The following STS variants were observed in gnomAD, a reference collection of about 807,000 sequenced individuals.
The protein encoded by STS is steroid sulfatase.
In STS, 7 loss-of-function variants were observed where a neutral mutation model predicts 26.8. The observed-to-expected ratio is 0.26, with a 90% CI of 0.15 to 0.49. STS has a LOEUF of 0.49. Ranked by LOEUF, STS falls within the 20% of genes least tolerant of loss-of-function variation. STS has a pLI of 0.98. For synonymous variants in STS, 199 were observed against 189.4 expected (o/e 1.05, Z -0.42); for missense variants, 434 against 465.6 (o/e 0.93, Z 0.63).
chrX:7,152,160 G>A (rs1345979289), intron 1 of STS, among the ~76,000 whole-genome samples: 1 of 109,848 alleles, frequency 9.1e-6, no homozygotes, highest in Non-Finnish European at 1.9e-5. Context: ...CACCATGTTA[G>A]CCAGGATGGT....
At chrX:7,290,206 C>T (rs943628404) in intron 7 of STS, among the ~76,000 whole-genome samples, 2 of 111,301 alleles carry the variant, frequency 1.8e-5, no homozygotes, top group African/African-American at 6.5e-5. Flanking sequence ...ATCATGGGAC[C>T]ATTTTCAAAA....
chrX:7,253,472 A>G, intron 3 of STS, 136 bp downstream of exon 3: 2 of 837,573 alleles, frequency 2.4e-6, no homozygotes, highest in Non-Finnish European at 3.5e-6. Context: ...GGCTTCATGT[A>G]GATACACTGA....
chrX:7,220,816 G>T (rs1027703930), intron 2 of STS, among the ~76,000 whole-genome samples: 1 of 110,765 alleles, frequency 9.0e-6, no homozygotes, highest in Non-Finnish European at 1.9e-5. Context: ...CCAAAGTGTT[G>T]GGATTACAGG....
At chrX:7,201,850 A>G (rs1934079011) in intron 2 of STS, among the ~76,000 whole-genome samples, 1 of 111,004 alleles carries the variant, frequency 9.0e-6, no homozygotes, top group African/African-American at 3.3e-5. Flanking sequence ...AGAAGAAGGA[A>G]TTGTCTATGT....
At chrX:7,201,519 G>A (rs1258874420) in intron 2 of STS, among the ~76,000 whole-genome samples, 2 of 110,271 alleles carry the variant, frequency 1.8e-5, no homozygotes, top group South Asian at 7.9e-4. Context: ...TATTATTATA[G>A]AGAAGGGTCA....
At chrX:7,251,609 A>C (rs139209610) in intron 2 of STS, among the ~76,000 whole-genome samples, 1,222 of 111,384 alleles carry the variant, frequency 0.011, 44 homozygotes, top group Admixed American at 0.086. Flanking sequence ...AGACTCCACC[A>C]CTACACATGC....
In STS at chrX:7,292,656, T is replaced by A. The variant is rs763467483; in HGVS notation, c.944-12390T>A. ...TGTCGTTCCTTACCATGTTCTGCAT[T>A]GCATGCCATGTGCTTTGATCCACTG... On this transcript the variant is annotated intron_variant, in intron 7 of 10. Coordinates refer to ENST00000674429, the MANE Select transcript of STS (RefSeq NM_001320752.2). Among the ~76,000 whole-genome samples, 108 of 110,748 alleles carry A rather than the reference T, an allele frequency of 9.8e-4. 1 individual carries two copies. Among genetic ancestry groups the A allele is most frequent in the Admixed American group, 5.8e-4 (6 of 10,287 alleles).
At chrX:7,281,923 A>G (rs187908341) in intron 7 of STS, among the ~76,000 whole-genome samples, 1 of 112,745 alleles carries the variant, frequency 8.9e-6, no homozygotes, top group African/African-American at 3.2e-5. Context: ...CAATATACGT[A>G]GAAGACATCT....
At chrX:7,242,115 C>CA (rs2147070426) in intron 2 of STS, among the ~76,000 whole-genome samples, 1 of 110,924 alleles carries the variant, frequency 9.0e-6, no homozygotes, top group South Asian at 3.9e-4. Flanking sequence ...ATATCCTACT[C>CA]ATTGGAAGTA....
chrX:7,311,415 G>T (rs1450743589), intron 8 of STS, among the ~76,000 whole-genome samples: 5 of 111,861 alleles, frequency 4.5e-5, no homozygotes, highest in African/African-American at 1.6e-4. Context: ...CAAGCTGCTG[G>T]AAGTGGTGGG....
chrX:7,262,624 G>A (rs1363434206), intron 6 of STS, among the ~76,000 whole-genome samples: 1 of 112,186 alleles, frequency 8.9e-6, no homozygotes, highest in Non-Finnish European at 1.9e-5. Context: ...TGCAGTGCTT[G>A]GGTGAACCTG....
At chrX:7,229,783 CA>C (rs1433938859) in intron 2 of STS, among the ~76,000 whole-genome samples, 3 of 110,849 alleles carry the variant, frequency 2.7e-5, no homozygotes, top group African/African-American at 9.9e-5. Flanking sequence ...CTCCTGCTAC[CA>C]GGGGTGAAAG....
chrX:7,183,239 C>A (rs1933714545), intron 1 of STS, among the ~76,000 whole-genome samples: 1 of 112,077 alleles, frequency 8.9e-6, no homozygotes, highest in Non-Finnish European at 1.9e-5. Context: ...TAAGACTATT[C>A]ATAGTTCCCC....
intron 2 of STS, among the ~76,000 whole-genome samples, chrX:7,205,684 G>A (rs1169815020): frequency 1.0e-5 from 1 of 96,482 alleles, no homozygotes; most frequent in South Asian, 5.2e-4. Flanking sequence ...TGTTGCAAGA[G>A]CAAGGCACTC....
At position 7,341,925 on chromosome X, in the gene STS, T is replaced by C. The variant is rs370349477; in HGVS notation, c.1363+7818T>C. Among the ~76,000 whole-genome samples, 4 of 110,746 alleles carry C rather than the reference T, an allele frequency of 3.6e-5. No homozygotes were observed. The East Asian group carries it at 1.1e-3, about 31-fold the overall frequency. On this transcript the variant is annotated intron_variant, in intron 10 of 10. Coordinates refer to ENST00000674429, the MANE Select transcript of STS (RefSeq NM_001320752.2). The stretch of plus-strand genomic sequence containing the variant: ...CCTCCAGGTTCAAGCGATTCTCCTG[T>C]GCCAGCCTCCCGAGTAGCTGGGATT...
intron 2 of STS, among the ~76,000 whole-genome samples, chrX:7,245,375 C>A (rs751030979): frequency 8.9e-6 from 1 of 112,247 alleles, no homozygotes; most frequent in Admixed American, 9.4e-5. Context: ...TCTGGTTGAA[C>A]TGGCATGAGG....
chrX:7,290,201 G>C (rs1413514440), intron 7 of STS, among the ~76,000 whole-genome samples: 1 of 111,409 alleles, frequency 9.0e-6, no homozygotes, highest in African/African-American at 3.3e-5. Flanking sequence ...TTGGCATCAT[G>C]GGACCATTTT....
At chrX:7,271,852 T>C (rs760100273) in intron 6 of STS, among the ~76,000 whole-genome samples, 1 of 109,543 alleles carries the variant, frequency 9.1e-6, no homozygotes, top group Non-Finnish European at 1.9e-5. Flanking sequence ...AACATGGTAC[T>C]GATGATTACC....
chrX:7,318,110 G>C (rs1462717020), intron 8 of STS, among the ~76,000 whole-genome samples: 1 of 111,830 alleles, frequency 8.9e-6, no homozygotes, highest in Non-Finnish European at 1.9e-5. Context: ...AGAATCAAGA[G>C]TTAATAAAGT....
Sources: allele counts gnomAD v4.1 joint callset (sites outside exome capture counted in the v4.1 genomes callset), GRCh38; gene constraint gnomAD v4.1.1; transcripts MANE v1.5; gene names NCBI Gene and HGNC (gene_info 2026-07-23, HGNC 2026-07-21).